The following DGKB variants were observed in gnomAD, a reference collection of about 807,000 sequenced individuals.
The protein encoded by DGKB is diacylglycerol kinase beta.
A neutral mutation model predicts 114.3 loss-of-function variants in DGKB; 67 were observed. The ratio of observed to expected loss-of-function variants is 0.59; its 90% CI spans 0.48 to 0.72. DGKB has a LOEUF of 0.72. Ranked by LOEUF, DGKB falls within the 30% of genes least tolerant of loss-of-function variation. The pLI is 0.00. For missense variants in DGKB, 907 were observed against 975.2 expected (o/e 0.93, Z 0.93); for synonymous variants, 398 against 323.1 (o/e 1.23, Z -2.49).
At chr7:14,288,982 T>C (rs891519795) in intron 23 of DGKB, among the ~76,000 whole-genome samples, 1 of 152,194 alleles carries the variant, frequency 6.6e-6, no homozygotes, top group Non-Finnish European at 1.5e-5. Flanking sequence ...CAATACAGAA[T>C]GATGTGACAA....
chr7:14,829,563 T>C lies in DGKB; in HGVS notation c.70+11631A>G, dbSNP rs551413988. On this transcript the variant is annotated intron_variant, in intron 2 of 25. Transcript: ENST00000402815. ...GAGCAATATGCAATTCTAGGACACC[T>C]GGAGTTTTATCAGTGAACACTTTAG... is the stretch of plus-strand genomic sequence containing the variant. 2.6e-5 allele frequency among the ~76,000 whole-genome samples: 4 copies of C among 152,214 alleles called. No individual in the cohort carries two copies. The East Asian group carries it at 7.7e-4, about 29-fold the overall frequency.
At chr7:14,253,825 C>T (rs1795587050) in intron 23 of DGKB, among the ~76,000 whole-genome samples, 1 of 152,148 alleles carries the variant, frequency 6.6e-6, no homozygotes, top group Admixed American at 6.5e-5. Context: ...CCCAAATATA[C>T]AGTATGTGCC....
chr7:14,550,547 A>C (rs1447038837), intron 20 of DGKB, among the ~76,000 whole-genome samples: 1 of 152,234 alleles, frequency 6.6e-6, no homozygotes, highest in African/African-American at 2.4e-5. Context: ...ACATTACAGC[A>C]GTATAGCATT....
At chr7:14,705,548 T>C (rs563011599) in intron 6 of DGKB, among the ~76,000 whole-genome samples, 3 of 150,582 alleles carry the variant, frequency 2.0e-5, no homozygotes, top group Non-Finnish European at 4.4e-5. Context: ...GGAAAAAATG[T>C]TAAGGGCAGC....
chr7:14,956,079 CAAAT>C (rs1293858319), intron 1 of DGKB, among the ~76,000 whole-genome samples: 5 of 151,916 alleles, frequency 3.3e-5, no homozygotes, highest in Non-Finnish European at 7.4e-5. Context: ...AAATATAAAA[CAAAT>C]AAACAGCAAT....
At chr7:14,631,932 G>A (rs1809798883) in intron 13 of DGKB, among the ~76,000 whole-genome samples, 1 of 151,906 alleles carries the variant, frequency 6.6e-6, no homozygotes, top group African/African-American at 2.4e-5. Flanking sequence ...GAAACTCTCA[G>A]AGACTCTCAA....
chr7:14,591,812 T>G (rs963019270), intron 17 of DGKB, among the ~76,000 whole-genome samples: 1 of 152,008 alleles, frequency 6.6e-6, no homozygotes, highest in Non-Finnish European at 1.5e-5. Flanking sequence ...GAGGCTTACT[T>G]TGTGTTAAGA....
chr7:14,683,982 T>C (rs1366994277), intron 10 of DGKB, among the ~76,000 whole-genome samples: 2 of 152,166 alleles, frequency 1.3e-5, no homozygotes, highest in African/African-American at 4.8e-5. Context: ...GTTAACAGAC[T>C]GTACCATAAA....
At chr7:14,648,521 T>C (rs958885670) in intron 13 of DGKB, among the ~76,000 whole-genome samples, 1 of 151,840 alleles carries the variant, frequency 6.6e-6, no homozygotes, top group African/African-American at 2.4e-5. Context: ...ACACCAAAAG[T>C]AGATAAAACC....
intron 17 of DGKB, among the ~76,000 whole-genome samples, chr7:14,589,340 T>C (rs1017739567): frequency 1.3e-4 from 20 of 152,002 alleles, no homozygotes; most frequent in African/African-American, 4.8e-4. Context: ...CTACTAGCAA[T>C]GGTATTATTA....
chr7:14,512,906 C>T (rs928049356), intron 20 of DGKB, among the ~76,000 whole-genome samples: 2 of 152,066 alleles, frequency 1.3e-5, no homozygotes, highest in Admixed American at 6.6e-5. Context: ...ATTTTACTCT[C>T]TTCTATATTC....
At chr7:14,651,066 G>C (rs1814362520) in intron 13 of DGKB, among the ~76,000 whole-genome samples, 1 of 152,110 alleles carries the variant, frequency 6.6e-6, no homozygotes, top group African/African-American at 2.4e-5. Flanking sequence ...TCTACCAGAG[G>C]TACAAGGAGG....
At chr7:14,751,654 A>G (rs1723236) in intron 4 of DGKB, among the ~76,000 whole-genome samples, 54,201 of 152,074 alleles carry the variant, frequency 0.36, 13,364 homozygotes, top group African/African-American at 0.69. Context: ...CTGCTATCAG[A>G]ACAGCACTCA....
chr7:14,868,387 G>A (rs1263490993), intron 1 of DGKB, among the ~76,000 whole-genome samples: 2 of 150,128 alleles, frequency 1.3e-5, no homozygotes, highest in East Asian at 2.0e-4. Flanking sequence ...CCAGGCTGGA[G>A]TGCAGTGGAG....
chr7:14,475,627 T>C (rs1389352337), intron 21 of DGKB, among the ~76,000 whole-genome samples: 1 of 152,168 alleles, frequency 6.6e-6, no homozygotes, highest in Non-Finnish European at 1.5e-5. Flanking sequence ...TTAGAGAGCA[T>C]TTTCTATGTT....
At position 14,621,467 on chromosome 7, in the gene DGKB, T is replaced by C. The variant is rs1807635807; in HGVS notation, c.1195A>G (p.Lys399Glu). ...EERQSTVKKEKSGSQQPNKVI... is the reference protein window; with the variant it reads ...EERQSTVKKEESGSQQPNKVI... ...TTGTTTGGCTGCTGGGAACCACTCTTTTCCTTTTTCACTGTTGATTGTCTT... is the reference window on the plus strand; with the variant it reads ...TTGTTTGGCTGCTGGGAACCACTCTCTTCCTTTTTCACTGTTGATTGTCTT... Residue 399 changes from lysine (K) to glutamate (E), a missense_variant, in exon 15 of 26, where the codon AAG becomes GAG. By Grantham distance (56) the Lys-to-Glu change is moderately conservative (BLOSUM62 1). Transcript: ENST00000402815. 2 of 1,608,600 alleles carry C rather than the reference T, an allele frequency of 1.2e-6. No individual in the cohort carries two copies. The highest frequency in any genetic ancestry group is 1.7e-4 in the Middle Eastern group (1 of 6,044).
chr7:14,584,381 C>T (rs571934644), intron 17 of DGKB, among the ~76,000 whole-genome samples: 2 of 152,186 alleles, frequency 1.3e-5, no homozygotes, highest in African/African-American at 4.8e-5. Flanking sequence ...GAAAAATATT[C>T]CATTACATCA....
At chr7:14,321,336 G>C (rs1807760318) in intron 23 of DGKB, among the ~76,000 whole-genome samples, 1 of 151,810 alleles carries the variant, frequency 6.6e-6, no homozygotes, top group Non-Finnish European at 1.5e-5. Context: ...ACAGGATAAA[G>C]AATAAAAAGT....
chr7:14,474,469 C>T (rs762321319), intron 21 of DGKB, among the ~76,000 whole-genome samples: 1 of 152,154 alleles, frequency 6.6e-6, no homozygotes, highest in Non-Finnish European at 1.5e-5. Context: ...ACTGCCAATA[C>T]TTTTCCTATA....
Sources: allele counts gnomAD v4.1 joint callset (sites outside exome capture counted in the v4.1 genomes callset), GRCh38; gene constraint gnomAD v4.1.1; transcripts MANE v1.5; gene names NCBI Gene and HGNC (gene_info 2026-07-23, HGNC 2026-07-21).